The following MTUS2 variants were observed in gnomAD, a reference collection of about 807,000 sequenced individuals.
The protein encoded by MTUS2 is microtubule-associated tumor suppressor candidate 2.
MTUS2 carries 40 observed loss-of-function variants against 114.1 expected under a neutral mutation model. That is an observed-to-expected ratio of 0.35 (90% CI 0.27 to 0.46). The LOEUF (loss-of-function observed/expected upper bound fraction) is 0.46. MTUS2 is among the 20% of genes least tolerant of loss of function. MTUS2 has a pLI of 1.00. For missense variants in MTUS2, 1,679 were observed against 1,705.4 expected (o/e 0.98, Z 0.27); for synonymous variants, 688 against 672.0 (o/e 1.02, Z -0.37).
intron 6 of MTUS2, among the ~76,000 whole-genome samples, chr13:29,324,341 G>T (rs1028247240): frequency 6.6e-6 from 1 of 152,184 alleles, no homozygotes; most frequent in African/African-American, 2.4e-5. Context: ...TGGGGTGGCA[G>T]TGACCTTCAG....
intron 5 of MTUS2, among the ~76,000 whole-genome samples, chr13:29,153,376 T>C (rs1892734471): frequency 6.6e-6 from 1 of 152,204 alleles, no homozygotes. Context: ...AGAAATGAAT[T>C]AGCGAATTCT....
At chr13:28,971,582 TAGC>T (rs960844513) in intron 2 of MTUS2, among the ~76,000 whole-genome samples, 103 of 152,272 alleles carry the variant, frequency 6.8e-4, no homozygotes, top group African/African-American at 2.0e-3. Context: ...AATATGGAAA[TAGC>T]AGTCCCATTT....
At chr13:29,492,750 A>G in intron 12 of MTUS2, 31 bp downstream of exon 12, 1 of 1,527,354 alleles carries the variant, frequency 6.5e-7, no homozygotes, top group East Asian at 2.3e-5. Flanking sequence ...CTTACCTGGT[A>G]TCGAGATAAT....
At chr13:29,477,311 T>C (rs1485288829) in intron 9 of MTUS2, among the ~76,000 whole-genome samples, 1 of 152,234 alleles carries the variant, frequency 6.6e-6, no homozygotes, top group Non-Finnish European at 1.5e-5. Flanking sequence ...TAAACCTATC[T>C]TTATATATCT....
At chr13:29,093,697 G>A (rs1890059467) in intron 4 of MTUS2, among the ~76,000 whole-genome samples, 1 of 152,144 alleles carries the variant, frequency 6.6e-6, no homozygotes, top group African/African-American at 2.4e-5. Context: ...CATGTCATCT[G>A]CAAAGAGAAA....
At chr13:29,353,731 A>C (rs780854724) in intron 7 of MTUS2, among the ~76,000 whole-genome samples, 1 of 152,200 alleles carries the variant, frequency 6.6e-6, no homozygotes, top group South Asian at 2.1e-4. Flanking sequence ...TAATTTTTCT[A>C]CACTACTGAG....
chr13:29,489,989 G>A (rs1180623641), intron 11 of MTUS2: 2 of 152,174 alleles, frequency 1.3e-5, no homozygotes, highest in Non-Finnish European at 2.9e-5. Context: ...TAAATCTGGT[G>A]GATTTTTCTG....
At chr13:28,894,286 G>GT (rs1566203527) in intron 2 of MTUS2, among the ~76,000 whole-genome samples, 1 of 31,370 alleles carries the variant, frequency 3.2e-5, no homozygotes, top group Non-Finnish European at 6.1e-5. Context: ...TGGTGGGGGG[G>GT]GGGGAGAGAG....
At chr13:29,461,091 AGGTTGAGGGCCTGCTTCT>A (rs1409698331) in intron 9 of MTUS2, among the ~76,000 whole-genome samples, 1 of 152,090 alleles carries the variant, frequency 6.6e-6, no homozygotes, top group African/African-American at 2.4e-5. Flanking sequence ...GGGAAGTCCA[AGGTTGAGGGCCTGCTTCT>A]GGTAAGGGCC....
At chr13:29,280,066 T>A (rs978653067) in intron 5 of MTUS2, among the ~76,000 whole-genome samples, 11 of 152,230 alleles carry the variant, frequency 7.2e-5, no homozygotes, top group African/African-American at 2.7e-4. Flanking sequence ...ATGCCCCATG[T>A]GAAAATATCA....
intron 2 of MTUS2, among the ~76,000 whole-genome samples, chr13:28,963,006 C>T (rs1883399866): frequency 6.6e-6 from 1 of 152,138 alleles, no homozygotes; most frequent in Non-Finnish European, 1.5e-5. Context: ...ATTGAGCCTT[C>T]CTTTCTTTTT....
At chr13:29,299,804 A>AT (rs1000882660) in intron 6 of MTUS2, among the ~76,000 whole-genome samples, 1 of 151,776 alleles carries the variant, frequency 6.6e-6, no homozygotes, top group Non-Finnish European at 1.5e-5. Flanking sequence ...ATGCTCCCCC[A>AT]TTTTTTTCCA....
intron 5 of MTUS2, among the ~76,000 whole-genome samples, chr13:29,269,764 G>A (rs1897807158): frequency 6.6e-6 from 1 of 152,172 alleles, no homozygotes; most frequent in Non-Finnish European, 1.5e-5. Flanking sequence ...ACACTCTCAT[G>A]TTCATTGTGG....
intron 2 of MTUS2, among the ~76,000 whole-genome samples, chr13:28,867,419 A>G (rs1434853464): frequency 6.6e-6 from 1 of 151,674 alleles, no homozygotes; most frequent in Non-Finnish European, 1.5e-5. Flanking sequence ...TGAAATTTCT[A>G]GACCCACTGA....
At chr13:28,849,171 A>G (rs2065757198) in intron 2 of MTUS2, among the ~76,000 whole-genome samples, 1 of 152,236 alleles carries the variant, frequency 6.6e-6, no homozygotes, top group South Asian at 2.1e-4. Context: ...ATAAGTGCAT[A>G]TATTCCTGAA....
intron 7 of MTUS2, among the ~76,000 whole-genome samples, chr13:29,328,375 C>G (rs1017945709): frequency 8.5e-5 from 13 of 152,294 alleles, no homozygotes; most frequent in African/African-American, 2.9e-4. Flanking sequence ...ACATGAATTG[C>G]AGGAAAATCA....
intron 7 of MTUS2, among the ~76,000 whole-genome samples, chr13:29,353,180 T>C (rs1345736870): frequency 6.6e-6 from 1 of 152,168 alleles, no homozygotes; most frequent in Admixed American, 6.5e-5. Flanking sequence ...TTTATTGCCA[T>C]AGTATTTTTT....
rs567700702 is a variant in MTUS2 at position 29,010,004 on chromosome 13, G to A, written c.-242-14453G>A. Reference sequence around the variant, plus strand: ...AGGCGGACAGATCACAAAGTCAGGAGTTCGAGACCAGCCTGGCCAATATGG... The same window carrying A: ...AGGCGGACAGATCACAAAGTCAGGAATTCGAGACCAGCCTGGCCAATATGG... On this transcript the variant is annotated intron_variant, in intron 2 of 15. Coordinates refer to ENST00000612955, the MANE Select transcript of MTUS2 (RefSeq NM_001033602.4). Among the ~76,000 whole-genome samples, 39 of 152,218 alleles carry A rather than the reference G, an allele frequency of 2.6e-4. No homozygotes were observed. In the South Asian group the frequency reaches 7.9e-3, roughly 31 times the overall value.
At chr13:28,938,551 A>ATG (rs1882050705) in intron 2 of MTUS2, among the ~76,000 whole-genome samples, 2 of 152,052 alleles carry the variant, frequency 1.3e-5, no homozygotes, top group South Asian at 4.2e-4. Flanking sequence ...TAGGGGTTAT[A>ATG]GTCTGGAGGA....
Sources: gnomAD v4.1 joint callset for allele counts (sites outside exome capture counted in the v4.1 genomes callset) on GRCh38, gnomAD v4.1.1 for gene constraint, MANE v1.5 for transcripts, NCBI Gene and HGNC (gene_info 2026-07-23, HGNC 2026-07-21) for gene names.